Variants in MBD5 observed in about 807,000 individuals in gnomAD.
MBD5 encodes the protein methyl-CpG binding domain protein 5, also known as methyl-CpG-binding domain protein 5.
Under a neutral mutation model 117.3 loss-of-function variants are expected in MBD5, and 13 were observed. The ratio of observed to expected loss-of-function variants is 0.11; its 90% CI spans 0.07 to 0.18. MBD5 has a LOEUF of 0.18. MBD5 is among the 10% of genes least tolerant of loss of function. MBD5 has a pLI of 1.00. For synonymous variants in MBD5, 727 were observed against 766.4 expected (o/e 0.95, Z 0.85); for missense variants, 1,879 against 2,093.8 (o/e 0.90, Z 2.00).
intron 2 of MBD5, among the ~76,000 whole-genome samples, chr2:148,196,775 G>T (rs1424516482): frequency 9.2e-5 from 14 of 152,122 alleles, no homozygotes; most frequent in Admixed American, 9.2e-4. Flanking sequence ...ATTCATTCAT[G>T]TTTGGGATTA....
chr2:148,425,441 A>C (rs994806649), intron 4 of MBD5, among the ~76,000 whole-genome samples: 1 of 152,216 alleles, frequency 6.6e-6, no homozygotes, highest in Non-Finnish European at 1.5e-5. Context: ...GTTCACAGCC[A>C]AATTCTACCA....
chr2:148,433,115 C>A (rs1043226964), intron 4 of MBD5, among the ~76,000 whole-genome samples: 5 of 151,920 alleles, frequency 3.3e-5, no homozygotes, highest in African/African-American at 1.2e-4. Flanking sequence ...GTATTTTATT[C>A]TTTTTGTGGC....
Position 148,141,253 on chromosome 2 carries a change from C to G in MBD5, c.-924-37447C>G, listed in dbSNP as rs370359791. 6.8e-4 allele frequency among the ~76,000 whole-genome samples: 103 copies of G among 152,256 alleles called. 3 individuals are homozygous for G. Among genetic ancestry groups the G allele is most frequent in the African/African-American group, 2.4e-3 (99 of 41,546 alleles). The stretch of plus-strand genomic sequence containing the variant: ...AGTAAAACAGAGCAAGGAAATACCT[C>G]TTTACCATTGAGACCTCTTGAAAAT... On this transcript the variant is annotated intron_variant, in intron 1 of 13. Coordinates refer to ENST00000642680, the MANE Select transcript of MBD5 (RefSeq NM_001378120.1).
intron 4 of MBD5, among the ~76,000 whole-genome samples, chr2:148,386,575 CG>C (rs1362761407): frequency 6.6e-5 from 10 of 151,056 alleles, no homozygotes; most frequent in Admixed American, 2.0e-4. Context: ...AAAAATTAGC[CG>C]GGCGTAGTGG....
At chr2:148,334,481 C>T (rs79118444) in intron 3 of MBD5, among the ~76,000 whole-genome samples, 3,469 of 151,912 alleles carry the variant, frequency 0.023, 139 homozygotes, top group African/African-American at 0.08. Context: ...TACATGTGTG[C>T]GCCACTAAGC....
At chr2:148,447,131 AAGAGAGAG>A (rs70995315) in intron 4 of MBD5, among the ~76,000 whole-genome samples, 7 of 148,570 alleles carry the variant, frequency 4.7e-5, no homozygotes, top group African/African-American at 1.5e-4. Context: ...AAGAAAAAGA[AAGAGAGAG>A]AGAGAAAGAA....
intron 1 of MBD5, among the ~76,000 whole-genome samples, chr2:148,119,908 C>CTTT (rs34565714): frequency 6.9e-6 from 1 of 145,026 alleles, no homozygotes; most frequent in Non-Finnish European, 1.5e-5. Context: ...TGTAATTTGC[C>CTTT]TTTTTTTTTT....
chr2:148,207,646 A>T (rs1252370644), intron 2 of MBD5, among the ~76,000 whole-genome samples: 1 of 151,534 alleles, frequency 6.6e-6, no homozygotes, highest in Non-Finnish European at 1.5e-5. Flanking sequence ...ACTATTATTT[A>T]ACATTGTACT....
chr2:148,199,188 G>A lies in MBD5; in HGVS notation c.-831+20395G>A, dbSNP rs558533017. On this transcript the variant is annotated intron_variant, in intron 2 of 13. Transcript: ENST00000642680. ...AAGTATATCTCAGCTTTGCTCTTAA[G>A]GCCTTTCAACTGAGTAGATGAGGCT... Among the ~76,000 whole-genome samples, 20 of 152,140 alleles carry A rather than the reference G, an allele frequency of 1.3e-4. No individual in the cohort carries two copies. In the South Asian group the frequency reaches 3.7e-3, roughly 28 times the overall value.
intron 4 of MBD5, among the ~76,000 whole-genome samples, chr2:148,415,581 C>G (rs913505447): frequency 2.0e-5 from 3 of 152,146 alleles, no homozygotes; most frequent in Non-Finnish European, 4.4e-5. Flanking sequence ...TGCTTTCTCT[C>G]CCTCTCATTC....
intron 11 of MBD5, among the ~76,000 whole-genome samples, chr2:148,493,879 A>G (rs1045403594): frequency 6.6e-6 from 1 of 152,206 alleles, no homozygotes; most frequent in Non-Finnish European, 1.5e-5. Context: ...ATAAAGAGGC[A>G]TGGGTTTTGG....
chr2:148,228,009 G>A (rs558720910), intron 2 of MBD5, among the ~76,000 whole-genome samples: 1 of 152,224 alleles, frequency 6.6e-6, no homozygotes, highest in Non-Finnish European at 1.5e-5. Flanking sequence ...GGAGATTTTG[G>A]GCTGAGACAA....
rs1197204543 is a variant in MBD5, at chr2:148,422,605, GCTT to G, written c.-556-35596_-556-35594del. 2.8e-4 allele frequency among the ~76,000 whole-genome samples: 43 copies of G among 152,150 alleles called. 1 individual carries two copies. The highest frequency in any genetic ancestry group is 9.2e-4 in the African/African-American group (38 of 41,442). ...TGAGTTTGACGAATTGACAGAGTTG[GCTT>G]CAGAAGGTGTGTAATAACAAACCCC... On this transcript the variant is annotated intron_variant, in intron 4 of 13. Coordinates refer to ENST00000642680, the MANE Select transcript of MBD5 (RefSeq NM_001378120.1).
intron 1 of MBD5, among the ~76,000 whole-genome samples, chr2:148,022,616 C>T (rs762146196): frequency 6.6e-6 from 1 of 152,142 alleles, no homozygotes; most frequent in Non-Finnish European, 1.5e-5. Flanking sequence ...GGATTGGTAC[C>T]ACTTTCAGTT....
At chr2:148,200,945 T>G (rs955901292) in intron 2 of MBD5, among the ~76,000 whole-genome samples, 1 of 152,224 alleles carries the variant, frequency 6.6e-6, no homozygotes, top group Admixed American at 6.5e-5. Flanking sequence ...GATCCATTTA[T>G]TTATTTGTTA....
chr2:148,370,809 A>T (rs1703831335), intron 4 of MBD5, among the ~76,000 whole-genome samples: 1 of 152,174 alleles, frequency 6.6e-6, no homozygotes, highest in African/African-American at 2.4e-5. Context: ...TTTTTTAAAG[A>T]TATTTACCAT....
At chr2:148,258,017 G>A (rs185491355) in intron 3 of MBD5, among the ~76,000 whole-genome samples, 1 of 152,250 alleles carries the variant, frequency 6.6e-6, no homozygotes, top group African/African-American at 2.4e-5. Context: ...GAACTGTAGG[G>A]GCTATGGGTG....
intron 3 of MBD5, among the ~76,000 whole-genome samples, chr2:148,301,996 C>T (rs553124998): frequency 1.3e-5 from 2 of 152,282 alleles, no homozygotes; most frequent in Non-Finnish European, 2.9e-5. Context: ...TGACTCTCAC[C>T]TGATGGTTGC....
chr2:148,090,090 G>C (rs1296643464), intron 1 of MBD5, among the ~76,000 whole-genome samples: 1 of 151,946 alleles, frequency 6.6e-6, no homozygotes, highest in Non-Finnish European at 1.5e-5. Context: ...ATCTGAAGGA[G>C]ATGGATAAAT....
Sources: gnomAD v4.1 joint callset for allele counts (sites outside exome capture counted in the v4.1 genomes callset) on GRCh38, gnomAD v4.1.1 for gene constraint, MANE v1.5 for transcripts, NCBI Gene and HGNC (gene_info 2026-07-23, HGNC 2026-07-21) for gene names.